Variants in CDH18 observed in about 807,000 individuals in gnomAD.
CDH18 encodes the protein cadherin-18.
In CDH18, 31 loss-of-function variants were observed where a neutral mutation model predicts 67.9. The observed-to-expected ratio is 0.46, with a 90% CI of 0.34 to 0.62. The LOEUF (loss-of-function observed/expected upper bound fraction) is 0.62. CDH18 is among the 20% of genes least tolerant of loss of function. CDH18 has a pLI of 0.01. For missense variants in CDH18, 890 were observed against 975.5 expected, an observed-to-expected ratio of 0.91 and a Z score of 1.17; for synonymous variants, 362 against 347.2, an observed-to-expected ratio of 1.04 and a Z score of -0.48.
At chr5:19,482,910 T>C (rs912253092) in intron 12 of CDH18, among the ~76,000 whole-genome samples, 1 of 152,174 alleles carries the variant, frequency 6.6e-6, no homozygotes, top group African/African-American at 2.4e-5. Context: ...GCTGAATGAA[T>C]GGGTGACCTC....
chr5:19,554,263 T>TG (rs1201353140), intron 8 of CDH18, among the ~76,000 whole-genome samples: 2 of 152,208 alleles, frequency 1.3e-5, no homozygotes, highest in Non-Finnish European at 2.9e-5. Flanking sequence ...CTGGTATTTA[T>TG]GACTCTAAGT....
chr5:19,720,304 T>C (rs1765914076), intron 5 of CDH18, among the ~76,000 whole-genome samples: 1 of 152,184 alleles, frequency 6.6e-6, no homozygotes, highest in East Asian at 1.9e-4. Flanking sequence ...GTATTAGTTA[T>C]GTGGCTATGC....
At chr5:19,532,141 A>G (rs1012822109) in intron 9 of CDH18, among the ~76,000 whole-genome samples, 1 of 152,146 alleles carries the variant, frequency 6.6e-6, no homozygotes. Flanking sequence ...TTTGTAGCCA[A>G]TGTATTTTTT....
chr5:19,610,211 G>A (rs1481713446), intron 6 of CDH18, among the ~76,000 whole-genome samples: 1 of 152,080 alleles, frequency 6.6e-6, no homozygotes, highest in Non-Finnish European at 1.5e-5. Context: ...GTTACTGACT[G>A]AAGAAACATA....
chr5:19,733,048 A>G (rs1767829409), intron 4 of CDH18, among the ~76,000 whole-genome samples: 1 of 152,080 alleles, frequency 6.6e-6, no homozygotes, highest in Non-Finnish European at 1.5e-5. Flanking sequence ...CATGATCCCT[A>G]TTCTAACAGC....
At chr5:20,536,851 T>C (rs1023276500) in intron 1 of CDH18, among the ~76,000 whole-genome samples, 6 of 152,124 alleles carry the variant, frequency 3.9e-5, no homozygotes, top group Non-Finnish European at 8.8e-5. Flanking sequence ...AAAAGGGATA[T>C]GAAAATGGGA....
intron 1 of CDH18, among the ~76,000 whole-genome samples, chr5:20,475,696 A>G (rs1752390764): frequency 6.6e-6 from 1 of 152,160 alleles, no homozygotes; most frequent in African/African-American, 2.4e-5. Context: ...TTACATAACA[A>G]TTCTTATTGG....
intron 5 of CDH18, among the ~76,000 whole-genome samples, chr5:19,620,020 AT>A: frequency 6.6e-6 from 1 of 152,216 alleles, no homozygotes; most frequent in Non-Finnish European, 1.5e-5. Flanking sequence ...AAGAAATTAT[AT>A]GAGACACTGG....
At chr5:20,092,486 A>G (rs1020163224) in intron 2 of CDH18, among the ~76,000 whole-genome samples, 36 of 152,344 alleles carry the variant, frequency 2.4e-4, no homozygotes, top group African/African-American at 8.2e-4. Context: ...GTCTACTATT[A>G]AAAAAATTCT....
chr5:20,429,890 C>T (rs1021162260), intron 1 of CDH18, among the ~76,000 whole-genome samples: 1 of 152,066 alleles, frequency 6.6e-6, no homozygotes, highest in African/African-American at 2.4e-5. Context: ...ATTTATTCAG[C>T]AAAGTAATTT....
At chr5:20,032,290 G>C (rs1739473356) in intron 2 of CDH18, among the ~76,000 whole-genome samples, 1 of 151,308 alleles carries the variant, frequency 6.6e-6, no homozygotes, top group African/African-American at 2.4e-5. Flanking sequence ...GAAGAAACCA[G>C]TGACTGTCCC....
chr5:19,698,909 C>T (rs895928246), intron 5 of CDH18, among the ~76,000 whole-genome samples: 2 of 152,032 alleles, frequency 1.3e-5, no homozygotes, highest in African/African-American at 4.8e-5. Flanking sequence ...ATGATAATTT[C>T]TTGCATAAGT....
intron 2 of CDH18, among the ~76,000 whole-genome samples, chr5:19,870,168 A>G (rs1045831994): frequency 1.3e-5 from 2 of 152,258 alleles, no homozygotes; most frequent in South Asian, 2.1e-4. Flanking sequence ...TTGACAACCA[A>G]TATATTCCAT....
At chr5:20,187,945 T>C (rs1012517062) in intron 2 of CDH18, among the ~76,000 whole-genome samples, 1 of 151,776 alleles carries the variant, frequency 6.6e-6, no homozygotes, top group African/African-American at 2.4e-5. Flanking sequence ...ATACAGAATT[T>C]CTATTCCTAA....
chr5:20,484,328 GGGAATGTGAGTTAGTACAACCACTAT>G, intron 1 of CDH18, among the ~76,000 whole-genome samples: 1 of 152,180 alleles, frequency 6.6e-6, no homozygotes, highest in Non-Finnish European at 1.5e-5. Context: ...CACTGTTGGT[GGGAATGTGAGTTAGTACAACCACTAT>G]GGAGAACATT....
intron 2 of CDH18, among the ~76,000 whole-genome samples, chr5:20,231,063 G>A (rs941839823): frequency 1.3e-5 from 2 of 152,190 alleles, no homozygotes; most frequent in East Asian, 3.9e-4. Flanking sequence ...TGGTAGGTAT[G>A]ATAGTAAGCT....
chr5:19,897,711 A>G (rs760790295), intron 2 of CDH18, among the ~76,000 whole-genome samples: 24 of 152,128 alleles, frequency 1.6e-4, no homozygotes, highest in Non-Finnish European at 2.9e-4. Flanking sequence ...GTATTCATAC[A>G]TATCAATATT....
At chr5:19,774,572 A>G (rs1196436802) in intron 3 of CDH18, among the ~76,000 whole-genome samples, 1 of 151,296 alleles carries the variant, frequency 6.6e-6, no homozygotes, top group African/African-American at 2.4e-5. Context: ...CTGTAATCCC[A>G]GCACTTTGGG....
intron 1 of CDH18, among the ~76,000 whole-genome samples, chr5:20,307,217 C>A (rs1329336816): frequency 6.6e-6 from 1 of 151,918 alleles, no homozygotes; most frequent in Admixed American, 6.6e-5. Flanking sequence ...GAGATGAGAT[C>A]TTTTATTCTA....
Sources: allele counts gnomAD v4.1 joint callset (sites outside exome capture counted in the v4.1 genomes callset), GRCh38; gene constraint gnomAD v4.1.1; transcripts MANE v1.5; gene names NCBI Gene and HGNC (gene_info 2026-07-23, HGNC 2026-07-21).